The following ZNF683 variants were observed in gnomAD, a reference collection of about 807,000 sequenced individuals.
ZNF683 encodes the protein tissue-resident T-cell transcription regulator protein ZNF683.
In ZNF683, 20 loss-of-function variants were observed where a neutral mutation model predicts 31.4. The observed-to-expected ratio is 0.64, with a 90% CI of 0.45 to 0.93. The LOEUF (loss-of-function observed/expected upper bound fraction) is 0.93. ZNF683 is among the 40% of genes least tolerant of loss of function. The pLI, the probability that ZNF683 is intolerant of heterozygous loss-of-function variation, is 0.00. For missense variants in ZNF683, 621 were observed against 637.2 expected (o/e 0.97, Z 0.27); for synonymous variants, 264 against 267.6 (o/e 0.99, Z 0.13).
intron 1 of ZNF683, among the ~76,000 whole-genome samples, chr1:26,372,117 C>T (rs766825929): frequency 6.6e-6 from 1 of 152,066 alleles, no homozygotes; most frequent in Non-Finnish European, 1.5e-5. Context: ...AAAGCCCCAA[C>T]CAGCCATCAA....
At position 26,363,262 on chromosome 1, in the gene ZNF683, TC is replaced by T; in HGVS notation, c.1015-109del. 3 of 1,354,488 alleles carry T rather than the reference TC, an allele frequency of 2.2e-6. No individual in the cohort carries two copies. The South Asian group carries it at 4.1e-5, about 19-fold the overall frequency. 83.9% of individuals were successfully genotyped at this position (1,354,488 alleles called of 1,614,324 possible). On this transcript the variant is annotated intron_variant, in intron 4 of 5. Transcript: ENST00000349618. Reference sequence around the variant, plus strand: ...TCTCTCTCCCTCCCCGTCATCTCCCTCAGGGCCCATCATCCCCAGGATACTC... The same window carrying T: ...TCTCTCTCCCTCCCCGTCATCTCCCTAGGGCCCATCATCCCCAGGATACTC...
chr1:26,366,662 G>C (rs925176755), intron 3 of ZNF683, among the ~76,000 whole-genome samples: 1 of 151,956 alleles, frequency 6.6e-6, no homozygotes, highest in Non-Finnish European at 1.5e-5. Flanking sequence ...TCCCAGCCCA[G>C]TGCTTTTTTT....
chr1:26,365,246 C>T lies in ZNF683; in HGVS notation c.320-20G>A, dbSNP rs192637423. On this transcript the variant is annotated intron_variant, in intron 3 of 5. Transcript: ENST00000349618. ...CGTGCTCTAAGCAGGAAAAGGAAGG[C>T]GGTCAGATCCCCACAGTCTGGGGTG... 6.5e-5 allele frequency: 101 copies of T among 1,563,246 alleles called. No individual in the cohort carries two copies. In the African/African-American group the frequency reaches 7.2e-4, roughly 11 times the overall value.
At chr1:26,365,835 G>A (rs1389577369) in intron 3 of ZNF683, among the ~76,000 whole-genome samples, 2 of 152,196 alleles carry the variant, frequency 1.3e-5, no homozygotes, top group Non-Finnish European at 2.9e-5. Context: ...TTAAGCCTAG[G>A]AATTTGAGAC....
chr1:26,373,376 A>G (rs2074707434), upstream of ZNF683: 1 of 152,194 alleles, frequency 6.6e-6, no homozygotes, highest in African/African-American at 2.4e-5. Flanking sequence ...CAACAGAGTG[A>G]GGCTCCATCT....
Position 26,364,795 on chromosome 1 carries a change from C to T in ZNF683, c.751G>A (p.Glu251Lys). The part of the protein sequence containing the change: ...NELGHPSARW[E>K]TLLPYPGAFQ... Reference sequence around the variant, plus strand: ...GCCCCTGGGTAGGGAAGCAGGGTCTCCCACCGAGCGCTGGGGTGCCCCAGC... The same window carrying T: ...GCCCCTGGGTAGGGAAGCAGGGTCTTCCACCGAGCGCTGGGGTGCCCCAGC... The change falls in exon 4 of 6, where the codon GAG becomes AAG. Residue 251 changes from glutamate to lysine, a missense_variant. Physicochemically the swap from Glu to Lys is moderately conservative, Grantham distance 56 (BLOSUM62 1). Transcript: ENST00000349618. 2 of 1,599,312 alleles carry T rather than the reference C, an allele frequency of 1.3e-6. No homozygotes were observed. The highest frequency in any genetic ancestry group is 1.7e-6 in the Non-Finnish European group (2 of 1,172,218).
Position 26,365,007 on chromosome 1 carries a change from G to A in ZNF683, c.539C>T (p.Ser180Phe). 6.3e-7 allele frequency: 1 copy of A among 1,583,996 alleles called. No homozygotes were observed. Among genetic ancestry groups the A allele is most frequent in the Admixed American group, 1.8e-5 (1 of 54,720 alleles). Reference protein sequence around the residue: ...LAFCPCPPVNSISKELPFLLH... With the variant: ...LAFCPCPPVNFISKELPFLLH... ...GAGAAATGGGAGCTCCTTGGAGATG[G>A]AGTTGACAGGGGGACAGGGGCAGAA... is the stretch of plus-strand genomic sequence containing the variant. The change falls in exon 4 of 6, where the codon TCC (serine) becomes TTC (phenylalanine). Residue 180 changes from serine (S) to phenylalanine (F), a missense_variant. Coordinates refer to ENST00000349618, the MANE Select transcript of ZNF683 (RefSeq NM_001114759.3).
At chr1:26,363,534 G>A (rs545422656) in intron 4 of ZNF683, among the ~76,000 whole-genome samples, 57 of 152,176 alleles carry the variant, frequency 3.7e-4, no homozygotes, top group African/African-American at 1.3e-3. Context: ...TTGGGAGGCC[G>A]AGGAGGGAGG....
At chr1:26,367,251 A>G (rs2074545674) in intron 3 of ZNF683, among the ~76,000 whole-genome samples, 1 of 151,524 alleles carries the variant, frequency 6.6e-6, no homozygotes, top group East Asian at 1.9e-4. Context: ...GGGCAACAGA[A>G]CGAGACTCCA....
At chr1:26,362,141 C>G in intron 5 of ZNF683, 119 bp from the exon 6 acceptor site, 1 of 1,611,738 alleles carries the variant, frequency 6.2e-7, no homozygotes. Flanking sequence ...GGCCTGGAAG[C>G]TTTTCCAGTG....
In ZNF683 at chr1:26,368,530, C is replaced by G; in HGVS notation, c.42G>C (p.Arg14Ser). The change falls in exon 2 of 6, where the codon AGG (arginine) becomes AGC (serine). Residue 14 changes from arginine to serine, a missense_variant. Coordinates refer to ENST00000349618, the MANE Select transcript of ZNF683 (RefSeq NM_001114759.3). ...CCCCTGTACCTCCCAGGGCCATGGG[C>G]CTATGACAACAACCTAATTGTGCAG... is the stretch of plus-strand genomic sequence containing the variant. The part of the protein sequence containing the change: ...ESAAQLGCCH[R>S]PMALGGTGGS... 24 of 1,606,784 alleles carry G rather than the reference C, an allele frequency of 1.5e-5. No homozygotes were observed. Among genetic ancestry groups the G allele is most frequent in the Non-Finnish European group, 2.0e-5 (24 of 1,176,586 alleles).
chr1:26,366,587 G>A (rs1286464392), intron 3 of ZNF683, among the ~76,000 whole-genome samples: 1 of 152,062 alleles, frequency 6.6e-6, no homozygotes, highest in African/African-American at 2.4e-5. Context: ...CCAGACCTTG[G>A]TGTTGTGTCC....
intron 1 of ZNF683, among the ~76,000 whole-genome samples, chr1:26,369,671 A>AAAAAAAAAAAGAAAGAAAG (rs773578187): frequency 1.4e-4 from 18 of 128,088 alleles, no homozygotes; most frequent in African/African-American, 6.0e-4. Context: ...TTGTCTCCAA[A>AAAAAAAAAAAGAAAGAAAG]AAAAAAAAAT....
At chr1:26,370,829 G>T in intron 1 of ZNF683, 2 of 652,442 alleles carry the variant, frequency 3.1e-6, no homozygotes, top group Non-Finnish European at 3.8e-6. Flanking sequence ...AGGCTTGGGG[G>T]CCCTGCAAGG....
chr1:26,368,636 G>T lies in ZNF683; in HGVS notation c.-14-51C>A, dbSNP rs112084720. On this transcript the variant is annotated intron_variant, in intron 1 of 5. Coordinates refer to ENST00000349618, the MANE Select transcript of ZNF683 (RefSeq NM_001114759.3). ...AGCTGTGAAGGTCCTCCAAATAGGA[G>T]TCTGAGTTCTAGGACTGGCTCTCCC... 8.6e-6 allele frequency: 13 copies of T among 1,519,388 alleles called. No homozygotes were observed. In the African/African-American group the frequency reaches 9.8e-5, roughly 11 times the overall value. The allele number at this position is 1,519,388 out of a possible 1,614,324, so 94.1% of individuals were successfully genotyped here.
rs755058257 is a variant in ZNF683 at position 26,365,106 on chromosome 1, C to T, written c.440G>A (p.Cys147Tyr). The T allele has an allele frequency of 1.2e-6, 2 of 1,606,624 alleles. No homozygotes were observed. Among genetic ancestry groups the T allele is most frequent in the South Asian group, 2.2e-5 (2 of 90,038 alleles). ...QPERAGEGAPCPAFSSHNSSS... is the reference protein window; with the variant it reads ...QPERAGEGAPYPAFSSHNSSS... ...GCTGTTATGAGAGGAGAAGGCTGGG[C>T]AGGGGGCCCCCTCGCCAGCTCTTTC... The change falls in exon 4 of 6, where the codon TGC (cysteine) becomes TAC (tyrosine). Residue 147 changes from cysteine to tyrosine, a missense_variant. Coordinates refer to ENST00000349618, the MANE Select transcript of ZNF683 (RefSeq NM_001114759.3).
chr1:26,372,571 C>T (rs982784496), intron 1 of ZNF683, 98 bp downstream of exon 1: 1 of 1,305,030 alleles, frequency 7.7e-7, no homozygotes, highest in Non-Finnish European at 1.0e-6. Context: ...CCTCTCCTGG[C>T]ATCACACTCT....
chr1:26,362,130 A>T (rs777768554), intron 5 of ZNF683, 108 bp from the exon 6 acceptor site: 32 of 1,613,116 alleles, frequency 2.0e-5, no homozygotes, highest in Non-Finnish European at 2.5e-5. Context: ...CTTTCCCTCC[A>T]GGCCTGGAAG....
chr1:26,372,564 C>A (rs1460202458), intron 1 of ZNF683, 105 bp downstream of exon 1: 3 of 1,304,902 alleles, frequency 2.3e-6, no homozygotes, highest in African/African-American at 1.5e-5. Context: ...GCTCTGCCCT[C>A]TCCTGGCATC....
Sources: allele counts gnomAD v4.1 joint callset (sites outside exome capture counted in the v4.1 genomes callset), GRCh38; gene constraint gnomAD v4.1.1; transcripts MANE v1.5; gene names NCBI Gene and HGNC (gene_info 2026-07-23, HGNC 2026-07-21).